Variants in PDPR observed in about 807,000 individuals in gnomAD.
PDPR encodes the protein pyruvate dehydrogenase phosphatase regulatory subunit, also known as pyruvate dehydrogenase phosphatase regulatory subunit, mitochondrial.
PDPR carries 50 observed loss-of-function variants against 102.2 expected under a neutral mutation model. The ratio of observed to expected loss-of-function variants is 0.49; its 90% CI spans 0.39 to 0.62. The LOEUF is 0.62. Ranked by LOEUF, PDPR falls within the 20% of genes least tolerant of loss-of-function variation. The probability of loss-of-function intolerance (pLI) is 0.00; values close to 1 mark genes in which losing one functional copy is unlikely to be tolerated. For synonymous variants in PDPR, 259 were observed against 406.0 expected, an observed-to-expected ratio of 0.64 and a Z score of 4.35; for missense variants, 625 against 1,098.2, an observed-to-expected ratio of 0.57 and a Z score of 6.09.
At chr16:70,121,994 CT>C (rs376771346) in intron 3 of PDPR, among the ~76,000 whole-genome samples, 3 of 149,580 alleles carry the variant, frequency 2.0e-5, no homozygotes, top group African/African-American at 2.4e-5. Context: ...TCTTTTCTTT[CT>C]TTTTTTTTTG....
chr16:70,122,923 CAG>C (rs1365341726), intron 3 of PDPR, among the ~76,000 whole-genome samples: 11 of 152,014 alleles, frequency 7.2e-5, no homozygotes, highest in African/African-American at 2.2e-4. Flanking sequence ...TTTTTTGAGA[CAG>C]AGTCTTGCTT....
At position 70,162,096 on chromosome 16, in the gene PDPR, G is replaced by C. The variant is rs1967844175; in HGVS notation, c.*5217G>C. On this transcript the variant is annotated 3_prime_UTR_variant, in exon 19 of 19. Transcript: ENST00000288050. ...AAGAGAAAAGTTCATCTCGGTGTGT[G>C]GGTTCCCATCCGCCCCACATAGCCT... 1 of 152,538 alleles carries C rather than the reference G, an allele frequency of 6.6e-6. No homozygotes were observed. The highest frequency in any genetic ancestry group is 1.5e-5 in the Non-Finnish European group (1 of 68,220). 9.4% of individuals were successfully genotyped at this position (152,538 alleles called of 1,614,324 possible).
intron 17 of PDPR, among the ~76,000 whole-genome samples, chr16:70,151,236 T>C (rs1479984296): frequency 6.6e-6 from 1 of 152,196 alleles, no homozygotes; most frequent in Non-Finnish European, 1.5e-5. Context: ...ACCCGGCCTA[T>C]TTTTTTATTT....
At chr16:70,153,774 G>A (rs934781969) in intron 18 of PDPR, among the ~76,000 whole-genome samples, 4 of 152,274 alleles carry the variant, frequency 2.6e-5, no homozygotes, top group African/African-American at 7.2e-5. Context: ...ACATAATAAT[G>A]GTGGCTCACG....
chr16:70,152,117 C>T (rs890992570), intron 17 of PDPR, among the ~76,000 whole-genome samples: 30 of 152,262 alleles, frequency 2.0e-4, no homozygotes, highest in Admixed American at 1.2e-3. Flanking sequence ...CTCGTCCTGC[C>T]GCATTCTGTG....
In PDPR at chr16:70,161,457, T is replaced by C. The variant is rs1967784316; in HGVS notation, c.*4578T>C. The stretch of plus-strand genomic sequence containing the variant: ...AAGAATGTTCACCTTGCATATGTCA[T>C]TTCAGGCACATGGATTCAGGAGAAG... On this transcript the variant is annotated 3_prime_UTR_variant, in exon 19 of 19. Coordinates refer to ENST00000288050, the MANE Select transcript of PDPR (RefSeq NM_017990.5). 6.5e-6 allele frequency: 1 copy of C among 152,990 alleles called. No homozygotes were observed. Among genetic ancestry groups the C allele is most frequent in the Non-Finnish European group, 1.5e-5 (1 of 68,592 alleles). 9.5% of individuals were successfully genotyped at this position (152,990 alleles called of 1,614,324 possible).
Position 70,144,192 on chromosome 16 carries a change from A to T in PDPR, c.1755-229A>T, listed in dbSNP as rs1252142583. On this transcript the variant is annotated intron_variant, in intron 14 of 18. Transcript: ENST00000288050. ...AGGTGTGAGCCACTGTGCCCAGCCG[A>T]TGTCTTAACGTTAGTAAATCTGTAT... Among the ~76,000 whole-genome samples, 6 of 150,450 alleles carry T rather than the reference A, an allele frequency of 4.0e-5. No homozygotes were observed. The Admixed American group carries it at 4.0e-4, about 10-fold the overall frequency.
intron 2 of PDPR, among the ~76,000 whole-genome samples, chr16:70,115,430 T>C (rs2549525): frequency 7.9e-5 from 12 of 152,342 alleles, no homozygotes; most frequent in Middle Eastern, 3.4e-3. Context: ...CCAACTTGTG[T>C]TAATTTCTTA....
At chr16:70,130,595 T>A in intron 7 of PDPR, 51 bp downstream of exon 7, 1 of 1,610,386 alleles carries the variant, frequency 6.2e-7, no homozygotes, top group Non-Finnish European at 8.5e-7. Flanking sequence ...TCTCCAAGAT[T>A]TTTTTGGTGT....
Position 70,115,146 on chromosome 16 carries a change from CAG to C in PDPR, c.-33+219_-33+220del, listed in dbSNP as rs374573255. Among the ~76,000 whole-genome samples the C allele has an allele frequency of 3.4e-3, 519 of 152,032 alleles. 3 individuals are homozygous for C. The highest frequency in any genetic ancestry group is 0.012 in the African/African-American group (494 of 41,462). On this transcript the variant is annotated intron_variant, in intron 2 of 18. Coordinates refer to ENST00000288050, the MANE Select transcript of PDPR (RefSeq NM_017990.5). ...TTCTTTTTTTTTCTTTTTTCCGAGA[CAG>C]AGTTTCACTCTGTCGCCCAGGCGGG...
intron 3 of PDPR, among the ~76,000 whole-genome samples, chr16:70,122,638 C>G (rs1963445242): frequency 6.6e-6 from 1 of 152,272 alleles, no homozygotes; most frequent in African/African-American, 2.4e-5. Context: ...GAGATGGATT[C>G]TGAGATTATG....
In PDPR at chr16:70,160,525, T is replaced by C. The variant is rs973947124; in HGVS notation, c.*3646T>C. ...TCAGGCCAGAGACACAGAGACCACA[T>C]AGCCCAGTGATTAAACCCCGGTTTC... On this transcript the variant is annotated 3_prime_UTR_variant, in exon 19 of 19. Coordinates refer to ENST00000288050, the MANE Select transcript of PDPR (RefSeq NM_017990.5). 2 of 152,680 alleles carry C rather than the reference T, an allele frequency of 1.3e-5. No homozygotes were observed. Among genetic ancestry groups the C allele is most frequent in the African/African-American group, 4.8e-5 (2 of 41,478 alleles). 9.5% of individuals were successfully genotyped at this position (152,680 alleles called of 1,614,324 possible).
At chr16:70,143,192 A>G (rs1243590089) in intron 13 of PDPR, among the ~76,000 whole-genome samples, 2 of 152,210 alleles carry the variant, frequency 1.3e-5, no homozygotes, top group Non-Finnish European at 2.9e-5. Flanking sequence ...CATCTCAAAA[A>G]AAAAAACAAA....
chr16:70,125,466 A>G (rs529786866), intron 3 of PDPR, among the ~76,000 whole-genome samples: 11 of 151,614 alleles, frequency 7.3e-5, no homozygotes, highest in Non-Finnish European at 1.5e-4. Context: ...AGGCAGGAGA[A>G]TAGCTTGAAC....
At chr16:70,135,629 G>A (rs1172016042) in intron 9 of PDPR, among the ~76,000 whole-genome samples, 5 of 152,250 alleles carry the variant, frequency 3.3e-5, no homozygotes, top group African/African-American at 7.2e-5. Context: ...CTGTAGATAC[G>A]TTTTACTTGC....
At chr16:70,137,095 G>A (rs1165012581) in intron 10 of PDPR, among the ~76,000 whole-genome samples, 16 of 151,752 alleles carry the variant, frequency 1.1e-4, no homozygotes, top group Non-Finnish European at 1.9e-4. Flanking sequence ...GCTCACGCTT[G>A]TAATCCCAGC....
intron 17 of PDPR, among the ~76,000 whole-genome samples, 185 bp from the exon 18 acceptor site, chr16:70,153,206 T>C (rs1225907946): frequency 1.3e-5 from 2 of 152,290 alleles, no homozygotes; most frequent in Non-Finnish European, 2.9e-5. Flanking sequence ...AAGTCCAGGC[T>C]GGGGTGACCC....
intron 10 of PDPR, among the ~76,000 whole-genome samples, chr16:70,138,335 C>T (rs1338614256): frequency 2.0e-5 from 3 of 151,618 alleles, no homozygotes; most frequent in Non-Finnish European, 4.4e-5. Flanking sequence ...TCTCCTTCCT[C>T]AGCCTCCGTA....
intron 11 of PDPR, among the ~76,000 whole-genome samples, chr16:70,140,011 G>T (rs1965545971): frequency 6.6e-6 from 1 of 152,246 alleles, no homozygotes; most frequent in Admixed American, 6.5e-5. Flanking sequence ...AACTGCTAAG[G>T]TTCTTTAATT....
Sources: allele counts gnomAD v4.1 joint callset (sites outside exome capture counted in the v4.1 genomes callset), GRCh38; gene constraint gnomAD v4.1.1; transcripts MANE v1.5; gene names NCBI Gene and HGNC (gene_info 2026-07-23, HGNC 2026-07-21).